Variants in PRKAR1A observed in about 807,000 individuals in gnomAD.
PRKAR1A encodes the protein protein kinase cAMP-dependent type I regulatory subunit alpha.
PRKAR1A carries 3 observed loss-of-function variants against 52.0 expected under a neutral mutation model. That is an observed-to-expected ratio of 0.06 (90% CI 0.03 to 0.15). The LOEUF is 0.15. PRKAR1A is among the 10% of genes least tolerant of loss of function. The pLI is 1.00. For missense variants in PRKAR1A, 240 were observed against 477.4 expected (o/e 0.50, Z 4.63); for synonymous variants, 188 against 168.4 (o/e 1.12, Z -0.90).
chr17:68,529,232 C>T (rs1600492938), intron 9 of PRKAR1A, among the ~76,000 whole-genome samples: 3 of 152,014 alleles, frequency 2.0e-5, no homozygotes, highest in African/African-American at 7.3e-5. Flanking sequence ...TTGAAGGGCC[C>T]TAGACATGAA....
the PRKAR1A span, among the ~76,000 whole-genome samples, chr17:68,458,607 T>C: frequency 1.3e-5 from 2 of 152,190 alleles, no homozygotes; most frequent in African/African-American, 4.8e-5. Flanking sequence ...GGTAACGTCT[T>C]GAAGATATAG....
chr17:68,438,283 G>C, the PRKAR1A span, among the ~76,000 whole-genome samples: 1 of 152,116 alleles, frequency 6.6e-6, no homozygotes, highest in Non-Finnish European at 1.5e-5. Flanking sequence ...GGTCATTCCT[G>C]GCCCCAGCCT....
intron 8 of PRKAR1A, among the ~76,000 whole-genome samples, chr17:68,528,368 G>A (rs906597517): frequency 4.6e-5 from 7 of 152,182 alleles, no homozygotes; most frequent in Non-Finnish European, 8.8e-5. Flanking sequence ...CCTCTTCTTT[G>A]TCTTTTCTTT....
Position 68,523,793 on chromosome 17 carries a change from A to G in PRKAR1A, c.417A>G (p.Ser139=). 1 of 1,613,858 alleles carries G rather than the reference A, an allele frequency of 6.2e-7. No homozygotes were observed. Among genetic ancestry groups the G allele is most frequent in the Admixed American group, 1.7e-5 (1 of 60,024 alleles). Residue 139 remains serine (S), a synonymous_variant, in exon 4 of 11, where the codon TCA becomes TCG. Transcript: ENST00000589228. The stretch of plus-strand genomic sequence containing the variant: ...CCATTGAAAAGAATGTGCTGTTTTC[A>G]CATCTTGATGATAATGAGAGAAGGT... ...AKAIEKNVLF[S]HLDDNERSDI...
the PRKAR1A span, chr17:68,430,106 A>T: frequency 6.2e-7 from 1 of 1,614,182 alleles, no homozygotes; most frequent in Non-Finnish European, 8.5e-7. Flanking sequence ...AGTTGGTAGC[A>T]GCCATAAACA....
At chr17:68,504,090 C>T in the PRKAR1A span, among the ~76,000 whole-genome samples, 3 of 152,136 alleles carry the variant, frequency 2.0e-5, no homozygotes, top group African/African-American at 7.2e-5. Context: ...ATCTGCACTC[C>T]CATATTTACT....
the PRKAR1A span, among the ~76,000 whole-genome samples, chr17:68,485,792 G>A: frequency 3.3e-5 from 5 of 152,156 alleles, no homozygotes; most frequent in Non-Finnish European, 7.3e-5. Flanking sequence ...AGGCTGGAGT[G>A]CAGTGGCGTG....
chr17:68,513,456 G>C (rs2085335485), intron 1 of PRKAR1A, among the ~76,000 whole-genome samples: 1 of 152,048 alleles, frequency 6.6e-6, no homozygotes, highest in Non-Finnish European at 1.5e-5. Flanking sequence ...GTTTCTCAAA[G>C]TGTTTTTATT....
Position 68,523,790 on chromosome 17 carries a change from T to A in PRKAR1A, c.414T>A (p.Phe138Leu), listed in dbSNP as rs2085692800. 6.2e-7 allele frequency: 1 copy of A among 1,613,754 alleles called. No individual in the cohort carries two copies. Residue 138 changes from phenylalanine to leucine, a missense_variant, in exon 4 of 11, where the codon TTT becomes TTA. Phe to Leu is a conservative substitution (Grantham distance 22). Around this residue, in one of 4 missense-constraint regions of PRKAR1A, gnomAD observed 107 missense variants for 290.9 expected, o/e 0.37. Transcript: ENST00000589228. ...AAGCCATTGAAAAGAATGTGCTGTTTTCACATCTTGATGATAATGAGAGAA... is the reference window on the plus strand; with the variant it reads ...AAGCCATTGAAAAGAATGTGCTGTTATCACATCTTGATGATAATGAGAGAA... ...LAKAIEKNVLFSHLDDNERSD... is the reference protein window; with the variant it reads ...LAKAIEKNVLLSHLDDNERSD...
In PRKAR1A at chr17:68,532,398, G is replaced by T. The variant is rs1600501089; in HGVS notation, c.*1949G>T. On this transcript the variant is annotated 3_prime_UTR_variant, in exon 11 of 11. Transcript: ENST00000589228. Reference sequence around the variant, plus strand: ...GTGAGTTTTACTCTTAAATCATTTGGTTAAATCATTTGGCTTGCTGTTTAC... The same window carrying T: ...GTGAGTTTTACTCTTAAATCATTTGTTTAAATCATTTGGCTTGCTGTTTAC... The T allele has an allele frequency of 2.0e-5, 21 of 1,056,898 alleles. No homozygotes were observed. In the East Asian group the frequency reaches 1.1e-3, roughly 53 times the overall value. 65.5% of individuals were successfully genotyped at this position (1,056,898 alleles called of 1,614,324 possible). A position where few individuals can be genotyped will look rare whatever the true frequency, so the allele number is the denominator to read the frequency against.
chr17:68,541,742 G>A (rs2086305759), intron 11 of PRKAR1A: 2 of 452,836 alleles, frequency 4.4e-6, no homozygotes, highest in Admixed American at 3.6e-5. Flanking sequence ...GAGAGTCTGA[G>A]TCTTCCATTT....
chr17:68,422,865 A>G, the PRKAR1A span: 23 of 152,278 alleles, frequency 1.5e-4, 1 homozygote, highest in East Asian at 4.2e-3. Flanking sequence ...TTCCTGAAAC[A>G]AAAGCTTCTC....
chr17:68,518,649 A>G (rs1411252782), intron 2 of PRKAR1A, among the ~76,000 whole-genome samples: 4 of 152,198 alleles, frequency 2.6e-5, no homozygotes, highest in Admixed American at 6.5e-5. Flanking sequence ...TGGGCCTATG[A>G]TGGGAGGGGC....
upstream of PRKAR1A, chr17:68,512,388 A>T (rs555738945): frequency 6.5e-6 from 1 of 153,068 alleles, no homozygotes; most frequent in African/African-American, 2.4e-5. Context: ...CATTGACGTC[A>T]GTAGCCGAAC....
chr17:68,541,106 G>A, intron 11 of PRKAR1A: 2 of 1,204,614 alleles, frequency 1.7e-6, no homozygotes, highest in South Asian at 1.4e-5. Flanking sequence ...AAAGGCCCTG[G>A]GCAAGGACGC....
chr17:68,548,465 G>A (rs2143608212), intron 11 of PRKAR1A, among the ~76,000 whole-genome samples: 1 of 152,154 alleles, frequency 6.6e-6, no homozygotes, highest in African/African-American at 2.4e-5. Context: ...AGGAGGCAGA[G>A]GTTGCAGCGA....
At chr17:68,528,480 A>C (rs1166210890) in intron 8 of PRKAR1A, among the ~76,000 whole-genome samples, 1 of 152,238 alleles carries the variant, frequency 6.6e-6, no homozygotes, top group Admixed American at 6.5e-5. Flanking sequence ...GAATTTAAAT[A>C]GATTAAATTA....
chr17:68,453,050 C>A, the PRKAR1A span: 1 of 1,450,788 alleles, frequency 6.9e-7, no homozygotes, highest in South Asian at 1.1e-5. Flanking sequence ...ACAGATCTGT[C>A]TGCAAATAGA....
chr17:68,468,091 A>G, the PRKAR1A span, among the ~76,000 whole-genome samples: 2 of 152,014 alleles, frequency 1.3e-5, no homozygotes, highest in African/African-American at 4.8e-5. Flanking sequence ...TTTTAGAGAG[A>G]TGATGTTTTG....
Sources: allele counts gnomAD v4.1 joint callset (sites outside exome capture counted in the v4.1 genomes callset), GRCh38; gene constraint gnomAD v4.1.1; regional missense constraint gnomAD v4.1.1; transcripts MANE v1.5; gene names NCBI Gene and HGNC (gene_info 2026-07-23, HGNC 2026-07-21).